Variants in VRK2 observed in about 807,000 individuals in gnomAD.
The protein encoded by VRK2 is serine/threonine-protein kinase VRK2.
In VRK2, 60 loss-of-function variants were observed where a neutral mutation model predicts 57.6. That is an observed-to-expected ratio of 1.04 (90% CI 0.85 to 1.29). The LOEUF (loss-of-function observed/expected upper bound fraction) is 1.29, where lower values mean the gene tolerates loss of function less well. Among genes scored for constraint, VRK2 ranks in the 50% most tolerant of loss-of-function variants. VRK2 has a pLI of 0.00. For synonymous variants in VRK2, 231 were observed against 199.2 expected (o/e 1.16, Z -1.35); for missense variants, 705 against 588.1 (o/e 1.20, Z -2.06).
At chr2:58,007,673 C>T (rs1216824996) in intron 1 of VRK2, among the ~76,000 whole-genome samples, 1 of 152,002 alleles carries the variant, frequency 6.6e-6, no homozygotes, top group Non-Finnish European at 1.5e-5. Context: ...CAACATAAGC[C>T]TATTAGTAGT....
intron 2 of VRK2, among the ~76,000 whole-genome samples, chr2:58,059,785 T>C (rs1677063554): frequency 6.6e-6 from 1 of 151,794 alleles, no homozygotes; most frequent in Non-Finnish European, 1.5e-5. Flanking sequence ...CAGATAGTTA[T>C]TAGCTATTAC....
intron 7 of VRK2, among the ~76,000 whole-genome samples, chr2:58,104,881 A>AT (rs2104372156): frequency 6.6e-6 from 1 of 152,132 alleles, no homozygotes; most frequent in African/African-American, 2.4e-5. Context: ...AGTGGAACAG[A>AT]ATAGAGAACC....
At chr2:58,009,819 G>A (rs1673363970) in intron 1 of VRK2, among the ~76,000 whole-genome samples, 1 of 151,830 alleles carries the variant, frequency 6.6e-6, no homozygotes, top group Non-Finnish European at 1.5e-5. Context: ...TTACTTACAT[G>A]AGAGCATACT....
chr2:58,091,657 G>C (rs990159352), intron 7 of VRK2, among the ~76,000 whole-genome samples: 4 of 151,434 alleles, frequency 2.6e-5, no homozygotes, highest in African/African-American at 4.8e-5. Flanking sequence ...CTGGGAAATA[G>C]ATAGATAACA....
chr2:57,963,476 C>T (rs903472606), intron 1 of VRK2, among the ~76,000 whole-genome samples: 5 of 152,148 alleles, frequency 3.3e-5, no homozygotes, highest in East Asian at 1.9e-4. Context: ...TTATATAATA[C>T]GCAAAGGAAG....
chr2:58,074,715 C>T lies in VRK2; in HGVS notation c.137-9374C>T, dbSNP rs117207297. 1.3e-3 allele frequency among the ~76,000 whole-genome samples: 199 copies of T among 152,096 alleles called. 2 individuals are homozygous for T. The East Asian group carries it at 0.034, about 26-fold the overall frequency. ...ACCTTCATTTATTTCCTCTCTGGCA[C>T]GGTTCATTTCTTTTGCAGATGTGAG... On this transcript the variant is annotated intron_variant, in intron 2 of 12. Transcript: ENST00000340157.
intron 2 of VRK2, among the ~76,000 whole-genome samples, chr2:58,069,539 C>T (rs188315232): frequency 2.6e-5 from 4 of 152,092 alleles, no homozygotes; most frequent in Admixed American, 6.6e-5. Context: ...CCTGTGTCTG[C>T]GGAAAATGGC....
intron 7 of VRK2, among the ~76,000 whole-genome samples, chr2:58,110,559 T>A (rs1014127627): frequency 6.6e-6 from 1 of 152,206 alleles, no homozygotes; most frequent in Non-Finnish European, 1.5e-5. Flanking sequence ...TATACAGTAC[T>A]TTTTTGTTTC....
intron 1 of VRK2, among the ~76,000 whole-genome samples, chr2:57,981,881 A>G (rs1672433609): frequency 6.6e-6 from 1 of 152,264 alleles, no homozygotes; most frequent in Admixed American, 6.5e-5. Context: ...CTCTATGTCT[A>G]TCATTTCAGC....
rs769572902 is a variant in VRK2, at chr2:58,159,532, A to ACAGT, written c.1370_1373dup (p.Thr459GlnfsTer23). 1.1e-5 allele frequency: 18 copies of ACAGT among 1,613,854 alleles called. No homozygotes were observed. Among genetic ancestry groups the ACAGT allele is most frequent in the Non-Finnish European group, 1.4e-5 (17 of 1,179,820 alleles). The stretch of plus-strand genomic sequence containing the variant: ...TCCATCTTGGTATAAATACACTTCC[A>ACAGT]CAGTCAGCACGGGGATCACAGACTT... On this transcript the variant is annotated frameshift_variant, in exon 13 of 13. Transcript: ENST00000340157. LOFTEE classifies it low-confidence loss of function (END_TRUNC).
chr2:57,945,305 G>A (rs989511507), intron 1 of VRK2, among the ~76,000 whole-genome samples: 2 of 152,034 alleles, frequency 1.3e-5, no homozygotes, highest in African/African-American at 4.8e-5. Context: ...TTTCCATCAT[G>A]AAGATTTCCC....
At chr2:57,992,303 C>T (rs1572751826) in intron 1 of VRK2, among the ~76,000 whole-genome samples, 2 of 152,074 alleles carry the variant, frequency 1.3e-5, no homozygotes, top group East Asian at 3.9e-4. Flanking sequence ...CCTCTGTGTT[C>T]CATACCATCT....
chr2:58,083,535 G>T (rs572618436), intron 2 of VRK2, among the ~76,000 whole-genome samples: 41 of 151,732 alleles, frequency 2.7e-4, no homozygotes, highest in Non-Finnish European at 4.1e-4. Flanking sequence ...TAATTGATTA[G>T]CAGGTTCAGA....
chr2:57,968,550 G>A (rs1374548459), intron 1 of VRK2, among the ~76,000 whole-genome samples: 3 of 152,054 alleles, frequency 2.0e-5, no homozygotes, highest in Non-Finnish European at 4.4e-5. Flanking sequence ...AAAGAAAACA[G>A]TTATGACTCA....
intron 3 of VRK2, among the ~76,000 whole-genome samples, chr2:58,040,504 T>C (rs1674413195): frequency 6.6e-6 from 1 of 152,214 alleles, no homozygotes; most frequent in Admixed American, 6.5e-5. Flanking sequence ...CATTAAAACA[T>C]TTGTTAGCCC....
At chr2:57,920,666 A>G (rs755961808) in intron 1 of VRK2, among the ~76,000 whole-genome samples, 1 of 152,124 alleles carries the variant, frequency 6.6e-6, no homozygotes, top group Non-Finnish European at 1.5e-5. Flanking sequence ...CCCTGAGAGT[A>G]ACAAAAACAT....
chr2:58,077,355 C>CT (rs1324048268), intron 2 of VRK2, among the ~76,000 whole-genome samples: 1 of 151,950 alleles, frequency 6.6e-6, no homozygotes, highest in East Asian at 1.9e-4. Context: ...GATCCTAGGC[C>CT]TTTGTTGTCT....
intron 10 of VRK2, among the ~76,000 whole-genome samples, chr2:58,137,010 A>T (rs1305921478): frequency 7.9e-6 from 1 of 126,520 alleles, no homozygotes; most frequent in Non-Finnish European, 1.5e-5. Context: ...CATATATATT[A>T]TATATATCTC....
At chr2:58,086,502 G>T (rs1671644619) in intron 5 of VRK2, 76 bp downstream of exon 5, 3 of 1,286,424 alleles carry the variant, frequency 2.3e-6, no homozygotes, top group Non-Finnish European at 3.2e-6. Flanking sequence ...CTATTGCCAT[G>T]TAACAAATTA....
Sources: allele counts gnomAD v4.1 joint callset (sites outside exome capture counted in the v4.1 genomes callset), GRCh38; gene constraint gnomAD v4.1.1; transcripts MANE v1.5; gene names NCBI Gene and HGNC (gene_info 2026-07-23, HGNC 2026-07-21).